GALNT13: variants seen among roughly 807,000 people sequenced by gnomAD.
The protein encoded by GALNT13 is UDP-GalNAc:polypeptide N-acetylgalactosaminyltransferase 13.
Under a neutral mutation model 64.2 loss-of-function variants are expected in GALNT13, and 28 were observed. The ratio of observed to expected loss-of-function variants is 0.44; its 90% CI spans 0.32 to 0.60. The LOEUF is 0.60. Among genes scored for constraint, GALNT13 ranks in the 20% least tolerant of loss-of-function variants. GALNT13 has a pLI of 0.05. For synonymous variants in GALNT13, 214 were observed against 224.6 expected (o/e 0.95, Z 0.42); for missense variants, 577 against 669.8 (o/e 0.86, Z 1.53).
At chr2:153,117,618 T>C in the GALNT13 span, among the ~76,000 whole-genome samples, 1 of 152,242 alleles carries the variant, frequency 6.6e-6, no homozygotes, top group Admixed American at 6.5e-5. Context: ...CATCTAATTT[T>C]ATTCAAAATA....
intron 4 of GALNT13, among the ~76,000 whole-genome samples, chr2:154,228,545 G>T (rs987627087): frequency 6.6e-6 from 1 of 152,152 alleles, no homozygotes; most frequent in African/African-American, 2.4e-5. Flanking sequence ...GAGGTTTGCT[G>T]TAGGACCTGC....
the GALNT13 span, among the ~76,000 whole-genome samples, chr2:153,738,760 A>G: frequency 6.6e-6 from 1 of 151,952 alleles, no homozygotes; most frequent in East Asian, 1.9e-4. Flanking sequence ...GAGCATTTGT[A>G]TCTACTTCCT....
chr2:153,641,173 C>T, the GALNT13 span, among the ~76,000 whole-genome samples: 1 of 152,056 alleles, frequency 6.6e-6, no homozygotes. Context: ...TAAATCTCTC[C>T]TTAATTCTAT....
intron 8 of GALNT13, among the ~76,000 whole-genome samples, chr2:154,272,888 C>T (rs1026995367): frequency 6.6e-6 from 1 of 151,984 alleles, no homozygotes; most frequent in Non-Finnish European, 1.5e-5. Context: ...AAGTAAATAA[C>T]TTGTAAAAAA....
intron 8 of GALNT13, among the ~76,000 whole-genome samples, chr2:154,267,554 C>G (rs550032118): frequency 2.4e-4 from 37 of 152,202 alleles, no homozygotes; most frequent in Admixed American, 3.9e-4. Context: ...GCAGGAGAAT[C>G]ACTTCAACCT....
the GALNT13 span, among the ~76,000 whole-genome samples, chr2:153,445,031 A>G: frequency 6.6e-6 from 1 of 152,216 alleles, no homozygotes; most frequent in Non-Finnish European, 1.5e-5. Flanking sequence ...GTGAGTTCCT[A>G]TTACTCAACA....
At chr2:154,138,024 G>T (rs1353717797) in intron 3 of GALNT13, among the ~76,000 whole-genome samples, 1 of 151,764 alleles carries the variant, frequency 6.6e-6, no homozygotes. Flanking sequence ...GTCACCAGAA[G>T]TTATGAGTCA....
chr2:153,495,986 T>A, the GALNT13 span, among the ~76,000 whole-genome samples: 1 of 152,170 alleles, frequency 6.6e-6, no homozygotes, highest in Non-Finnish European at 1.5e-5. Flanking sequence ...GAGTTCCTAC[T>A]GGCTGAACTG....
At chr2:154,108,535 G>A (rs948666175) in intron 3 of GALNT13, among the ~76,000 whole-genome samples, 4 of 151,948 alleles carry the variant, frequency 2.6e-5, no homozygotes, top group Non-Finnish European at 5.9e-5. Context: ...TTAACAGTGT[G>A]ATTTTCACAC....
chr2:153,161,088 C>T, the GALNT13 span, among the ~76,000 whole-genome samples: 17 of 152,294 alleles, frequency 1.1e-4, no homozygotes, highest in South Asian at 3.5e-3. Flanking sequence ...CTTATTCCAA[C>T]AATTACTGTT....
the GALNT13 span, among the ~76,000 whole-genome samples, chr2:153,264,298 C>T: frequency 3.2e-3 from 494 of 152,172 alleles, 6 homozygotes; most frequent in African/African-American, 0.011. Flanking sequence ...TAGATGCTAG[C>T]GAGGCTGTGG....
At chr2:153,808,857 T>C in the GALNT13 span, among the ~76,000 whole-genome samples, 1 of 152,212 alleles carries the variant, frequency 6.6e-6, no homozygotes, top group South Asian at 2.1e-4. Flanking sequence ...CTTTCCCTAA[T>C]GTGTTCAAAA....
intron 8 of GALNT13, 42 bp downstream of exon 8, chr2:154,259,180 T>C (rs746727500): frequency 1.9e-6 from 2 of 1,061,500 alleles, no homozygotes; most frequent in Non-Finnish European, 2.9e-6. Flanking sequence ...GAACATACAA[T>C]GCTGTAGCAT....
the GALNT13 span, among the ~76,000 whole-genome samples, chr2:153,605,874 T>C: frequency 6.6e-6 from 1 of 152,060 alleles, no homozygotes. Flanking sequence ...GGGAGTCAAA[T>C]TTGCTTTCAT....
chr2:153,259,358 C>G, the GALNT13 span, among the ~76,000 whole-genome samples: 1 of 150,312 alleles, frequency 6.7e-6, no homozygotes, highest in Non-Finnish European at 1.5e-5. Flanking sequence ...ATCATTAGGT[C>G]TTGTATTTTT....
At chr2:153,265,920 C>A in the GALNT13 span, among the ~76,000 whole-genome samples, 10 of 152,076 alleles carry the variant, frequency 6.6e-5, no homozygotes, top group Non-Finnish European at 1.3e-4. Context: ...GAAAGAAGAT[C>A]TAGTGTGGGT....
At chr2:154,313,820 T>C (rs1320215852) in intron 9 of GALNT13, among the ~76,000 whole-genome samples, 2 of 152,116 alleles carry the variant, frequency 1.3e-5, no homozygotes, top group Non-Finnish European at 2.9e-5. Flanking sequence ...CATTTATATA[T>C]CTTGCTTCTG....
intron 3 of GALNT13, among the ~76,000 whole-genome samples, chr2:154,111,350 TCTC>T (rs1372615435): frequency 6.6e-6 from 1 of 152,156 alleles, no homozygotes; most frequent in Admixed American, 6.6e-5. Context: ...CCCTGATAGA[TCTC>T]CTATATATCA....
chr2:154,280,656 G>A (rs1172495764), intron 8 of GALNT13, among the ~76,000 whole-genome samples: 1 of 152,162 alleles, frequency 6.6e-6, no homozygotes, highest in African/African-American at 2.4e-5. Context: ...GCTGGCATCT[G>A]TGAAAGAGCA....
Sources: gnomAD v4.1 joint callset for allele counts (sites outside exome capture counted in the v4.1 genomes callset) on GRCh38, gnomAD v4.1.1 for gene constraint, MANE v1.5 for transcripts, NCBI Gene and HGNC (gene_info 2026-07-23, HGNC 2026-07-21) for gene names.